Variants in NOX4 observed in about 807,000 individuals in gnomAD.
The protein encoded by NOX4 is kidney oxidase-1.
In NOX4, 69 loss-of-function variants were observed where a neutral mutation model predicts 87.6. The ratio of observed to expected loss-of-function variants is 0.79; its 90% confidence interval spans 0.65 to 0.96. The LOEUF (loss-of-function observed/expected upper bound fraction) is 0.96. Ranked by LOEUF, NOX4 falls within the 40% of genes least tolerant of loss-of-function variation. NOX4 has a pLI of 0.00. For synonymous variants in NOX4, 275 were observed against 238.2 expected (o/e 1.15, Z -1.42); for missense variants, 680 against 681.5 (o/e 1.00, Z 0.02).
intron 6 of NOX4, 75 bp downstream of exon 6, chr11:89,440,613 C>G: frequency 9.7e-7 from 1 of 1,032,876 alleles, no homozygotes; most frequent in South Asian, 1.7e-5. Context: ...GCATGAGCCA[C>G]TGCGCCCAGT....
the NOX4 span, among the ~76,000 whole-genome samples, chr11:89,509,254 G>C: frequency 5.3e-5 from 8 of 151,768 alleles, no homozygotes; most frequent in Non-Finnish European, 1.2e-4. Flanking sequence ...TAATATAATA[G>C]TGTCTCTTAG....
intron 6 of NOX4, among the ~76,000 whole-genome samples, chr11:89,438,851 T>C (rs1295803203): frequency 4.4e-5 from 2 of 45,954 alleles, no homozygotes; most frequent in Non-Finnish European, 6.1e-5. Flanking sequence ...ATATATTATA[T>C]AATATATTAT....
chr11:89,534,214 T>C, the NOX4 span, among the ~76,000 whole-genome samples: 3 of 152,364 alleles, frequency 2.0e-5, no homozygotes, highest in African/African-American at 7.2e-5. Context: ...TTTGTGTTCC[T>C]GCCTTTGTGC....
intron 12 of NOX4, among the ~76,000 whole-genome samples, chr11:89,361,722 T>G (rs317187): frequency 0.48 from 72,362 of 151,998 alleles, 18,920 homozygotes; most frequent in African/African-American, 0.71. Context: ...TCTGGTTTAT[T>G]CCTGCTGTCC....
At chr11:89,557,225 A>G in the NOX4 span, 1 of 152,190 alleles carries the variant, frequency 6.6e-6, no homozygotes, top group African/African-American at 2.4e-5. Flanking sequence ...GTGTGGCAAT[A>G]CAAAAGCCTT....
intron 17 of NOX4, among the ~76,000 whole-genome samples, chr11:89,335,121 C>T (rs1405327065): frequency 6.6e-6 from 1 of 151,616 alleles, no homozygotes; most frequent in African/African-American, 2.4e-5. Flanking sequence ...TATGATGAAA[C>T]TATTTAGATG....
intron 2 of NOX4, among the ~76,000 whole-genome samples, chr11:89,456,344 A>G (rs1481215010): frequency 6.6e-6 from 1 of 152,202 alleles, no homozygotes; most frequent in Non-Finnish European, 1.5e-5. Flanking sequence ...TAAATGCACA[A>G]ATATTTCTAT....
At chr11:89,543,149 G>A in the NOX4 span, among the ~76,000 whole-genome samples, 2 of 152,068 alleles carry the variant, frequency 1.3e-5, no homozygotes, top group African/African-American at 2.4e-5. Context: ...AGACATCACC[G>A]CTACACAATA....
At chr11:89,549,019 T>A in the NOX4 span, among the ~76,000 whole-genome samples, 1 of 152,222 alleles carries the variant, frequency 6.6e-6, no homozygotes, top group Non-Finnish European at 1.5e-5. Context: ...TCAAACCTTT[T>A]CTTAAATTGG....
At chr11:89,337,651 A>G (rs1159522864) in intron 15 of NOX4, 136 bp from the exon 16 acceptor site, 2 of 1,170,656 alleles carry the variant, frequency 1.7e-6, no homozygotes, top group East Asian at 2.7e-5. Flanking sequence ...GAAAATGAAT[A>G]CACACACACA....
At chr11:89,467,003 G>C (rs919253576) in intron 2 of NOX4, among the ~76,000 whole-genome samples, 1 of 152,164 alleles carries the variant, frequency 6.6e-6, no homozygotes, top group East Asian at 1.9e-4. Flanking sequence ...GGAACATAAA[G>C]CTGGAGAAGC....
intron 2 of NOX4, among the ~76,000 whole-genome samples, chr11:89,461,152 C>G (rs953643239): frequency 3.3e-5 from 5 of 151,768 alleles, no homozygotes; most frequent in Admixed American, 6.6e-5. Flanking sequence ...AATCCGGGGC[C>G]TGTTGTGGGG....
At chr11:89,342,530 C>T (rs1946049719) in intron 13 of NOX4, among the ~76,000 whole-genome samples, 2 of 151,926 alleles carry the variant, frequency 1.3e-5, no homozygotes, top group African/African-American at 4.8e-5. Flanking sequence ...ATATATTAGA[C>T]TATATATGAC....
At chr11:89,548,969 G>A in the NOX4 span, among the ~76,000 whole-genome samples, 1 of 152,104 alleles carries the variant, frequency 6.6e-6, no homozygotes, top group Non-Finnish European at 1.5e-5. Flanking sequence ...GTCTCATAAA[G>A]GTTTCATGTG....
At chr11:89,392,279 G>T (rs1164056491) in intron 11 of NOX4, among the ~76,000 whole-genome samples, 2 of 152,062 alleles carry the variant, frequency 1.3e-5, no homozygotes, top group Non-Finnish European at 2.9e-5. Context: ...AAACAAGCCT[G>T]CAATGGACTC....
chr11:89,580,979 G>A, the NOX4 span, among the ~76,000 whole-genome samples: 1 of 152,150 alleles, frequency 6.6e-6, no homozygotes, highest in Non-Finnish European at 1.5e-5. Flanking sequence ...CAGTGGATTT[G>A]AAAAATGGAG....
chr11:89,523,948 T>TAAAAC, the NOX4 span, among the ~76,000 whole-genome samples: 1 of 152,068 alleles, frequency 6.6e-6, no homozygotes, highest in Admixed American at 6.6e-5. Flanking sequence ...GATTTAAAAA[T>TAAAAC]AAAACAAAAC....
chr11:89,483,436 C>T lies in NOX4; in HGVS notation c.153+7022G>A, dbSNP rs1180448631. 2.0e-5 allele frequency among the ~76,000 whole-genome samples: 3 copies of T among 152,104 alleles called. No homozygotes were observed. In the South Asian group the frequency reaches 6.2e-4, roughly 32 times the overall value. ...CTTTACAAAAAAGAAGGAAATCCTG[C>T]CATTTGTGACAACATGAAAGGAGAC... is the stretch of plus-strand genomic sequence containing the variant. On this transcript the variant is annotated intron_variant, in intron 2 of 17. Coordinates refer to ENST00000263317, the MANE Select transcript of NOX4 (RefSeq NM_016931.5).
chr11:89,490,650 T>C (rs1350584298), intron 1 of NOX4, 97 bp from the exon 2 acceptor site: 1 of 852,436 alleles, frequency 1.2e-6, no homozygotes. Context: ...CACAGTGCTT[T>C]CAATGGAACC....
Sources: allele counts gnomAD v4.1 joint callset (sites outside exome capture counted in the v4.1 genomes callset), GRCh38; gene constraint gnomAD v4.1.1; transcripts MANE v1.5; gene names NCBI Gene and HGNC (gene_info 2026-07-23, HGNC 2026-07-21).